Variants in DZANK1 observed in about 807,000 individuals in gnomAD.
DZANK1 encodes double zinc ribbon and ankyrin repeat domains 1, also known as double zinc ribbon and ankyrin repeat-containing protein 1.
Under a neutral mutation model 94.5 loss-of-function variants are expected in DZANK1, and 91 were observed. The observed-to-expected ratio is 0.96, with a 90% CI of 0.81 to 1.15. DZANK1 has a LOEUF of 1.15. Ranked by LOEUF, DZANK1 falls within the 50% of genes most tolerant of loss-of-function variation. The pLI is 0.00. For synonymous variants in DZANK1, 312 were observed against 325.3 expected, an observed-to-expected ratio of 0.96 and a Z score of 0.44; for missense variants, 903 against 916.4, an observed-to-expected ratio of 0.99 and a Z score of 0.19.
At chr20:18,440,975 T>A (rs1028306182) in intron 8 of DZANK1, among the ~76,000 whole-genome samples, 1 of 152,196 alleles carries the variant, frequency 6.6e-6, no homozygotes, top group Non-Finnish European at 1.5e-5. Flanking sequence ...AATATAACCC[T>A]GGAGCTACAA....
At chr20:18,408,284 C>T (rs377090603) in intron 13 of DZANK1, among the ~76,000 whole-genome samples, 3 of 152,188 alleles carry the variant, frequency 2.0e-5, no homozygotes, top group Non-Finnish European at 2.9e-5. Flanking sequence ...CCACTGTATT[C>T]CAACCTGGGG....
At chr20:18,389,128 G>C (rs1600703853) in intron 19 of DZANK1, among the ~76,000 whole-genome samples, 1 of 152,226 alleles carries the variant, frequency 6.6e-6, no homozygotes, top group African/African-American at 2.4e-5. Flanking sequence ...AGCTAGAAGA[G>C]AAGGTTATTG....
Position 18,433,678 on chromosome 20 carries a change from G to A in DZANK1, c.835C>T (p.Gln279Ter), listed in dbSNP as rs2058381610. ...TTCAAGTGGAGGCTTGCCTGTGGCT[G>A]CAGCTGTAGAGCAAGAGGGGCCTCA... The change falls in exon 9 of 21, where the codon CAG becomes TAG. Residue 279 changes from glutamine to a stop codon, truncating the protein, a stop_gained. Transcript: ENST00000262547. LOFTEE classifies it high-confidence loss of function. 3.7e-6 allele frequency: 6 copies of A among 1,614,016 alleles called. No homozygotes were observed. The East Asian group carries it at 1.3e-4, about 36-fold the overall frequency.
chr20:18,405,293 G>T (rs988847042), intron 13 of DZANK1, among the ~76,000 whole-genome samples: 1 of 152,002 alleles, frequency 6.6e-6, no homozygotes, highest in African/African-American at 2.4e-5. Flanking sequence ...ATATGTAGCA[G>T]AAAAGTACAA....
intron 2 of DZANK1, 56 bp from the exon 3 acceptor site, chr20:18,460,362 A>G: frequency 2.4e-6 from 3 of 1,267,398 alleles, no homozygotes; most frequent in Non-Finnish European, 3.2e-6. Flanking sequence ...AAGTCCCTGA[A>G]TAATGCCTAT....
At chr20:18,450,951 T>C (rs2059078523) in intron 6 of DZANK1, among the ~76,000 whole-genome samples, 1 of 152,240 alleles carries the variant, frequency 6.6e-6, no homozygotes, top group Non-Finnish European at 1.5e-5. Flanking sequence ...TTTTTATTTT[T>C]ATTTTCATTT....
At chr20:18,460,035 T>C in intron 3 of DZANK1, 118 bp downstream of exon 3, 1 of 747,926 alleles carries the variant, frequency 1.3e-6, no homozygotes, top group Non-Finnish European at 2.0e-6. Context: ...GAAATTAAAA[T>C]AATGTTTCAG....
chr20:18,456,841 G>A (rs1041975712), intron 3 of DZANK1, among the ~76,000 whole-genome samples: 6 of 151,986 alleles, frequency 3.9e-5, no homozygotes, highest in African/African-American at 1.2e-4. Context: ...TTCTGGGTTT[G>A]GGCTATTATG....
At chr20:18,400,711 T>C (rs1330388423) in intron 13 of DZANK1, among the ~76,000 whole-genome samples, 1 of 152,166 alleles carries the variant, frequency 6.6e-6, no homozygotes, top group Non-Finnish European at 1.5e-5. Flanking sequence ...ATACTGAGCC[T>C]AGTGCACTGT....
intron 2 of DZANK1, among the ~76,000 whole-genome samples, chr20:18,460,796 A>C (rs2059448509): frequency 6.6e-6 from 1 of 152,192 alleles, no homozygotes; most frequent in Admixed American, 6.5e-5. Context: ...ATAGGTTATT[A>C]TATATACATA....
chr20:18,439,374 C>A (rs572357084), intron 8 of DZANK1, among the ~76,000 whole-genome samples: 108 of 152,314 alleles, frequency 7.1e-4, no homozygotes, highest in African/African-American at 2.5e-3. Flanking sequence ...TGATTTATGT[C>A]TGGAAACTGG....
At chr20:18,446,215 G>A (rs1328867119) in intron 7 of DZANK1, among the ~76,000 whole-genome samples, 7 of 152,106 alleles carry the variant, frequency 4.6e-5, no homozygotes, top group East Asian at 3.9e-4. Context: ...TCTGCGCTTC[G>A]GCCTGGGTGA....
chr20:18,422,208 G>T lies in DZANK1; in HGVS notation c.954+4859C>A, dbSNP rs187840834. On this transcript the variant is annotated intron_variant, in intron 10 of 20. Coordinates refer to ENST00000262547, the Ensembl canonical transcript of DZANK1. ...TTTTCAGTTTAATCCATTTTGTGTTGATTTTAGTATATGGTGTGAGATAAG... is the reference window on the plus strand; with the variant it reads ...TTTTCAGTTTAATCCATTTTGTGTTTATTTTAGTATATGGTGTGAGATAAG... Among the ~76,000 whole-genome samples, 364 of 152,222 alleles carry T rather than the reference G, an allele frequency of 2.4e-3. 5 individuals carry two copies. Among genetic ancestry groups the T allele is most frequent in the Admixed American group, 0.02 (306 of 15,290 alleles).
At chr20:18,419,366 T>C (rs2057657740) in intron 10 of DZANK1, among the ~76,000 whole-genome samples, 1 of 149,254 alleles carries the variant, frequency 6.7e-6, no homozygotes, top group South Asian at 2.1e-4. Flanking sequence ...AGAAAATGAG[T>C]GGAGTAGAAA....
intron 12 of DZANK1, 68 bp downstream of exon 12, chr20:18,414,276 AGGGT>A (rs1315978169): frequency 5.2e-6 from 8 of 1,526,806 alleles, no homozygotes; most frequent in Non-Finnish European, 7.1e-6. Flanking sequence ...GTTGATTCAC[AGGGT>A]GGAGCACACA....
At chr20:18,386,519 A>C (rs1362441364) in intron 19 of DZANK1, among the ~76,000 whole-genome samples, 1 of 152,234 alleles carries the variant, frequency 6.6e-6, no homozygotes. Flanking sequence ...AAAAAGAAAC[A>C]ATCAGAACAA....
intron 6 of DZANK1, among the ~76,000 whole-genome samples, chr20:18,449,754 TCAAA>T (rs2059026194): frequency 1.9e-5 from 1 of 52,570 alleles, no homozygotes. Flanking sequence ...AGACTCTGTC[TCAAA>T]AAAAAAAAAA....
At position 18,384,565 on chromosome 20, in the gene DZANK1, C is replaced by G; in HGVS notation, c.2094-1G>C. 1 of 1,597,744 alleles carries G rather than the reference C, an allele frequency of 6.3e-7. No individual in the cohort carries two copies. The highest frequency in any genetic ancestry group is 8.5e-7 in the Non-Finnish European group (1 of 1,172,152). On this transcript the variant is annotated splice_acceptor_variant, in intron 20 of 20. Transcript: ENST00000262547. LOFTEE classifies it high-confidence loss of function. ...CTTCTTTTGGATGCTTGCATTGCATCTGCAAAGGAAATGGAGAAACGGAGG... is the reference window on the plus strand; with the variant it reads ...CTTCTTTTGGATGCTTGCATTGCATGTGCAAAGGAAATGGAGAAACGGAGG...
At chr20:18,391,377 G>T (rs2055975468) in intron 17 of DZANK1, among the ~76,000 whole-genome samples, 3 of 152,032 alleles carry the variant, frequency 2.0e-5, no homozygotes. Flanking sequence ...GGGACTACAG[G>T]CACATGCCAC....
Sources: gnomAD v4.1 joint callset for allele counts (sites outside exome capture counted in the v4.1 genomes callset) on GRCh38, gnomAD v4.1.1 for gene constraint, MANE v1.5 for transcripts, NCBI Gene and HGNC (gene_info 2026-07-23, HGNC 2026-07-21) for gene names.